Variants in CSNK1G3 observed in about 807,000 individuals in gnomAD.
The protein encoded by CSNK1G3 is casein kinase I isoform gamma-3.
In CSNK1G3, 23 loss-of-function variants were observed where a neutral mutation model predicts 64.3. The observed-to-expected ratio is 0.36, with a 90% CI of 0.26 to 0.51. The LOEUF (loss-of-function observed/expected upper bound fraction) is 0.51. CSNK1G3 is among the 20% of genes least tolerant of loss of function. CSNK1G3 has a pLI of 0.96. For synonymous variants in CSNK1G3, 158 were observed against 162.2 expected, an observed-to-expected ratio of 0.97 and a Z score of 0.20; for missense variants, 357 against 510.5, an observed-to-expected ratio of 0.70 and a Z score of 2.90.
chr5:123,610,777 A>G (rs1053427294), intron 12 of CSNK1G3, among the ~76,000 whole-genome samples: 1 of 152,140 alleles, frequency 6.6e-6, no homozygotes, highest in African/African-American at 2.4e-5. Flanking sequence ...GGAGTTTGAG[A>G]CCAGCCTGGG....
chr5:123,543,197 T>A (rs1166113010), intron 1 of CSNK1G3, among the ~76,000 whole-genome samples: 2 of 152,164 alleles, frequency 1.3e-5, no homozygotes, highest in African/African-American at 2.4e-5. Flanking sequence ...ATGCAGTTAA[T>A]GTGCTCAGAG....
intron 10 of CSNK1G3, among the ~76,000 whole-genome samples, chr5:123,599,845 G>T (rs1248932969): frequency 6.6e-6 from 1 of 151,700 alleles, no homozygotes; most frequent in Non-Finnish European, 1.5e-5. Flanking sequence ...GGGTAAATCA[G>T]CATTATGAAT....
chr5:123,551,533 T>G (rs1783651388), intron 2 of CSNK1G3, among the ~76,000 whole-genome samples: 1 of 152,236 alleles, frequency 6.6e-6, no homozygotes, highest in East Asian at 1.9e-4. Flanking sequence ...TTTTTGCCCT[T>G]TATTTTCTCT....
At chr5:123,613,556 G>T (rs1748897188) in intron 12 of CSNK1G3, among the ~76,000 whole-genome samples, 1 of 151,814 alleles carries the variant, frequency 6.6e-6, no homozygotes, top group Non-Finnish European at 1.5e-5. Context: ...TAGAGATGGG[G>T]TCTTGCTGTA....
At chr5:123,522,329 T>G (rs1032304312) in intron 1 of CSNK1G3, among the ~76,000 whole-genome samples, 2 of 151,838 alleles carry the variant, frequency 1.3e-5, no homozygotes, top group Non-Finnish European at 2.9e-5. Context: ...GGTGAAATCC[T>G]GTCTCTACTA....
chr5:123,535,383 C>T (rs1273313721), intron 1 of CSNK1G3, among the ~76,000 whole-genome samples: 1 of 151,956 alleles, frequency 6.6e-6, no homozygotes. Context: ...GTCTAAGGTT[C>T]TATAAAAATA....
At chr5:123,606,221 A>G (rs994860773) in intron 12 of CSNK1G3, among the ~76,000 whole-genome samples, 2 of 152,116 alleles carry the variant, frequency 1.3e-5, no homozygotes, top group Admixed American at 6.6e-5. Flanking sequence ...ATTTATTGAC[A>G]TAAGATTAAG....
chr5:123,536,339 CATAA>C (rs1435240143), intron 1 of CSNK1G3, among the ~76,000 whole-genome samples: 1 of 149,602 alleles, frequency 6.7e-6, no homozygotes, highest in Non-Finnish European at 1.5e-5. Context: ...ATTAATTAAA[CATAA>C]ATAAAAAGCT....
chr5:123,578,646 A>G (rs1789636022), intron 6 of CSNK1G3, among the ~76,000 whole-genome samples: 2 of 151,748 alleles, frequency 1.3e-5, no homozygotes, highest in Non-Finnish European at 2.9e-5. Context: ...GTTTATGGTT[A>G]TTGCCTTTTG....
At chr5:123,556,770 G>C (rs201997179) in intron 3 of CSNK1G3, among the ~76,000 whole-genome samples, 1 of 62,760 alleles carries the variant, frequency 1.6e-5, no homozygotes, top group South Asian at 4.7e-4. Context: ...ATGTTTGTGT[G>C]TGTGTGTGTG....
At chr5:123,533,604 T>A (rs1780309150) in intron 1 of CSNK1G3, among the ~76,000 whole-genome samples, 1 of 151,684 alleles carries the variant, frequency 6.6e-6, no homozygotes, top group African/African-American at 2.4e-5. Context: ...TATTTTTTAA[T>A]GTCTTTATAT....
At chr5:123,575,081 T>C (rs538767519) in intron 5 of CSNK1G3, among the ~76,000 whole-genome samples, 20 of 152,304 alleles carry the variant, frequency 1.3e-4, no homozygotes, top group African/African-American at 4.8e-4. Flanking sequence ...TTTATGACAG[T>C]TTGTACAATG....
intron 6 of CSNK1G3, among the ~76,000 whole-genome samples, chr5:123,578,461 C>A (rs929525267): frequency 2.6e-5 from 4 of 151,746 alleles, no homozygotes; most frequent in African/African-American, 9.7e-5. Context: ...AAGTGTGTGT[C>A]ATTTCATTGT....
chr5:123,532,364 C>T (rs1439252032), intron 1 of CSNK1G3, among the ~76,000 whole-genome samples: 1 of 151,666 alleles, frequency 6.6e-6, no homozygotes, highest in Non-Finnish European at 1.5e-5. Flanking sequence ...ACAAACTGCC[C>T]TAAATAATTT....
At chr5:123,578,417 G>A (rs919453930) in intron 6 of CSNK1G3, among the ~76,000 whole-genome samples, 2 of 151,844 alleles carry the variant, frequency 1.3e-5, no homozygotes, top group Non-Finnish European at 3.0e-5. Context: ...TCTGTTTCAT[G>A]TATTTATTGG....
intron 1 of CSNK1G3, among the ~76,000 whole-genome samples, chr5:123,528,870 TC>T (rs376106926): frequency 1.3e-5 from 2 of 152,338 alleles, no homozygotes; most frequent in African/African-American, 2.4e-5. Flanking sequence ...AACTCAGTAA[TC>T]CCAGTCATTC....
At chr5:123,545,725 G>T in exon 2 of CSNK1G3, 2 of 1,613,534 alleles carry the variant, frequency 1.2e-6, no homozygotes, top group South Asian at 1.1e-5. Context: ...CCTAGTGGTC[G>T]ATCGGGACAC....
At chr5:123,550,007 T>C (rs2150325935) in intron 2 of CSNK1G3, among the ~76,000 whole-genome samples, 1 of 152,338 alleles carries the variant, frequency 6.6e-6, no homozygotes, top group East Asian at 1.9e-4. Context: ...AGTTGCTTTG[T>C]TGAAAATTCT....
chr5:123,566,731 G>A (rs1786957650), intron 4 of CSNK1G3, among the ~76,000 whole-genome samples: 1 of 151,868 alleles, frequency 6.6e-6, no homozygotes, highest in African/African-American at 2.4e-5. Context: ...ATTATAGTTT[G>A]GTGTAAATAT....
Sources: gnomAD v4.1 joint callset for allele counts (sites outside exome capture counted in the v4.1 genomes callset) on GRCh38, gnomAD v4.1.1 for gene constraint, MANE v1.5 for transcripts, NCBI Gene and HGNC (gene_info 2026-07-23, HGNC 2026-07-21) for gene names.